The following DMXL1 variants were observed in gnomAD, a reference collection of about 807,000 sequenced individuals.
DMXL1 encodes the protein dmX-like protein 1.
DMXL1 carries 99 observed loss-of-function variants against 319.2 expected under a neutral mutation model. That is an observed-to-expected ratio of 0.31 (90% confidence interval 0.26 to 0.37). DMXL1 has a LOEUF of 0.37. Among genes scored for constraint, DMXL1 ranks in the 10% least tolerant of loss-of-function variants. The pLI is 1.00. For synonymous variants in DMXL1, 1,385 were observed against 1,235.2 expected, an observed-to-expected ratio of 1.12 and a Z score of -2.54; for missense variants, 3,745 against 3,595.6, an observed-to-expected ratio of 1.04 and a Z score of -1.06.
chr5:119,134,514 T>G, intron 13 of DMXL1, 125 bp downstream of exon 13: 1 of 836,058 alleles, frequency 1.2e-6, no homozygotes, highest in Non-Finnish European at 1.8e-6. Context: ...CTTTGTTTTA[T>G]TTTTTCACAT....
At chr5:119,075,985 A>G (rs1248669638) in intron 1 of DMXL1, among the ~76,000 whole-genome samples, 1 of 152,174 alleles carries the variant, frequency 6.6e-6, no homozygotes, top group Non-Finnish European at 1.5e-5. Context: ...TATTGATATG[A>G]TACTTTTTTT....
rs774447679 is a variant in DMXL1 at position 119,244,463 on chromosome 5, T to C, written c.8809T>C (p.Cys2937Arg). The change falls in exon 43 of 44, where the codon TGT becomes CGT. Residue 2937 changes from cysteine to arginine, a missense_variant. Physicochemically the swap from Cys to Arg is radical, Grantham distance 180. Transcript: ENST00000539542. ...RKGFTYVFDLCQRQQRQLFQS... is the reference protein window; with the variant it reads ...RKGFTYVFDLRQRQQRQLFQS... ...AGGTTTTACATATGTATTTGACCTTTGTCAACGACAACAGAGGCAGCTTTT... is the reference window on the plus strand; with the variant it reads ...AGGTTTTACATATGTATTTGACCTTCGTCAACGACAACAGAGGCAGCTTTT... 29 of 1,614,082 alleles carry C rather than the reference T, an allele frequency of 1.8e-5. No individual in the cohort carries two copies. The Admixed American group carries it at 4.8e-4, about 27-fold the overall frequency.
At chr5:119,196,515 GTTTTTTTT>G (rs537016412) in intron 31 of DMXL1, 59 bp downstream of exon 31, 4 of 560,656 alleles carry the variant, frequency 7.1e-6, no homozygotes, top group African/African-American at 2.7e-5. Flanking sequence ...CTACTCTGTT[GTTTTTTTT>G]TTTTTTTTTT....
intron 28 of DMXL1, among the ~76,000 whole-genome samples, chr5:119,189,051 A>G (rs897896139): frequency 2.0e-5 from 3 of 152,222 alleles, no homozygotes; most frequent in South Asian, 2.1e-4. Flanking sequence ...AAAGATTTGT[A>G]TAATTTTTTT....
chr5:119,192,198 A>C (rs1484179082), intron 29 of DMXL1, among the ~76,000 whole-genome samples: 1 of 152,176 alleles, frequency 6.6e-6, no homozygotes, highest in Admixed American at 6.5e-5. Flanking sequence ...TCCCAATTTA[A>C]AGTTACAGAT....
At chr5:119,239,116 G>C in intron 41 of DMXL1, 36 bp downstream of exon 41, 1 of 1,605,406 alleles carries the variant, frequency 6.2e-7, no homozygotes, top group East Asian at 2.2e-5. Context: ...GTATGAGAAA[G>C]TATAGCTGAA....
chr5:119,094,103 G>A (rs989952112), intron 1 of DMXL1, among the ~76,000 whole-genome samples: 7 of 152,262 alleles, frequency 4.6e-5, no homozygotes, highest in African/African-American at 1.7e-4. Flanking sequence ...ATTGATGAAG[G>A]TGGCTATGTG....
Position 119,240,491 on chromosome 5 carries a change from T to C in DMXL1, c.8704+20T>C. 5 of 1,567,462 alleles carry C rather than the reference T, an allele frequency of 3.2e-6. No individual in the cohort carries two copies. Among genetic ancestry groups the C allele is most frequent in the Non-Finnish European group, 4.4e-6 (5 of 1,142,430 alleles). On this transcript the variant is annotated intron_variant, in intron 42 of 43. Coordinates refer to ENST00000539542, the MANE Select transcript of DMXL1 (RefSeq NM_001290321.3). ...TCCATGGTAAGTTTTCAAAGCATTTTATAAATTTTGAAAGTCAGGAAATTC... is the reference window on the plus strand; with the variant it reads ...TCCATGGTAAGTTTTCAAAGCATTTCATAAATTTTGAAAGTCAGGAAATTC...
At chr5:119,129,817 A>G (rs966192743) in intron 10 of DMXL1, among the ~76,000 whole-genome samples, 1 of 152,252 alleles carries the variant, frequency 6.6e-6, no homozygotes, top group African/African-American at 2.4e-5. Context: ...TTTGAGAAGC[A>G]TTGAAACTAG....
intron 1 of DMXL1, among the ~76,000 whole-genome samples, chr5:119,074,622 A>T (rs1750400024): frequency 2.0e-5 from 3 of 152,242 alleles, no homozygotes; most frequent in African/African-American, 7.2e-5. Context: ...TAAGTATTAG[A>T]TACTTTTTTA....
intron 19 of DMXL1, among the ~76,000 whole-genome samples, chr5:119,160,373 T>G (rs1329930588): frequency 6.6e-6 from 1 of 152,202 alleles, no homozygotes; most frequent in Non-Finnish European, 1.5e-5. Flanking sequence ...TATTTCTCAT[T>G]TCATACTATT....
At chr5:119,231,162 G>C (rs1034959846) in intron 38 of DMXL1, among the ~76,000 whole-genome samples, 1 of 152,100 alleles carries the variant, frequency 6.6e-6, no homozygotes, top group African/African-American at 2.4e-5. Flanking sequence ...GGACAATTTT[G>C]TGTAAATTAA....
intron 1 of DMXL1, among the ~76,000 whole-genome samples, chr5:119,083,900 C>T (rs1303513833): frequency 6.6e-6 from 1 of 152,124 alleles, no homozygotes; most frequent in African/African-American, 2.4e-5. Context: ...ATTTACATTC[C>T]CACCAACACA....
At chr5:119,090,728 A>G (rs1018948393) in intron 1 of DMXL1, among the ~76,000 whole-genome samples, 1 of 151,352 alleles carries the variant, frequency 6.6e-6, no homozygotes, top group Non-Finnish European at 1.5e-5. Context: ...ATGCCTGGCT[A>G]ATTTTTTTTT....
At chr5:119,150,496 A>G (rs916813118) in intron 18 of DMXL1, 75 bp downstream of exon 18, 2 of 1,461,244 alleles carry the variant, frequency 1.4e-6, no homozygotes, top group Admixed American at 2.4e-5. Flanking sequence ...TTTTATTAAA[A>G]TGATGCCATT....
intron 4 of DMXL1, among the ~76,000 whole-genome samples, chr5:119,109,404 C>G (rs1759072360): frequency 6.6e-6 from 1 of 152,102 alleles, no homozygotes; most frequent in Non-Finnish European, 1.5e-5. Context: ...AATACAGATC[C>G]AATTTTGTAA....
intron 9 of DMXL1, among the ~76,000 whole-genome samples, chr5:119,126,429 A>G (rs568180178): frequency 1.3e-5 from 2 of 152,334 alleles, no homozygotes; most frequent in African/African-American, 4.8e-5. Flanking sequence ...ATTTTGGAAT[A>G]TCCTCTCAAC....
At chr5:119,239,969 A>AT (rs895582383) in intron 41 of DMXL1, among the ~76,000 whole-genome samples, 1 of 151,092 alleles carries the variant, frequency 6.6e-6, no homozygotes, top group Non-Finnish European at 1.5e-5. Flanking sequence ...CAAAAAAAAA[A>AT]AAAAACAAAA....
rs752130352 is a variant in DMXL1 at position 119,116,174 on chromosome 5, A to G, written c.581A>G (p.Lys194Arg). ...ATAGKDDCLL[K>R]VWYNVENWRT... is the part of the protein sequence containing the mutation. ...TTTCCTTAGGATGACTGTCTTTTGAAGGTTTGGTATAATGTAGAAAACTGG... is the reference window on the plus strand; with the variant it reads ...TTTCCTTAGGATGACTGTCTTTTGAGGGTTTGGTATAATGTAGAAAACTGG... The change falls in exon 7 of 44, where the codon AAG (lysine) becomes AGG (arginine). Residue 194 changes from lysine to arginine, a missense_variant. By Grantham distance (26) the Lys-to-Arg change is conservative (BLOSUM62 2). Around this residue, in one of 4 missense-constraint regions of DMXL1, gnomAD observed 2,096 missense variants for 1,985.4 expected, o/e 1.06. Transcript: ENST00000539542. The G allele has an allele frequency of 1.1e-5, 17 of 1,603,518 alleles. No homozygotes were observed. The highest frequency in any genetic ancestry group is 3.4e-6 in the Non-Finnish European group (4 of 1,174,554).
Sources: allele counts gnomAD v4.1 joint callset (sites outside exome capture counted in the v4.1 genomes callset), GRCh38; gene constraint gnomAD v4.1.1; regional missense constraint gnomAD v4.1.1; transcripts MANE v1.5; gene names NCBI Gene and HGNC (gene_info 2026-07-23, HGNC 2026-07-21).